VAT1L: variants seen among roughly 807,000 people sequenced by gnomAD.
VAT1L encodes putative NADPH-dependent quinone oxidoreductase VAT1L.
VAT1L carries 34 observed loss-of-function variants against 44.1 expected under a neutral mutation model. The ratio of observed to expected loss-of-function variants is 0.77; its 90% CI spans 0.59 to 1.03. The LOEUF is 1.03. VAT1L is among the 50% of genes least tolerant of loss of function. The pLI, the probability that VAT1L is intolerant of heterozygous loss-of-function variation, is 0.00. For synonymous variants in VAT1L, 253 were observed against 202.2 expected (o/e 1.25, Z -2.13); for missense variants, 615 against 538.8 (o/e 1.14, Z -1.40).
At chr16:77,916,527 G>T (rs552539587) in intron 7 of VAT1L, among the ~76,000 whole-genome samples, 55 of 152,092 alleles carry the variant, frequency 3.6e-4, no homozygotes, top group Non-Finnish European at 7.3e-4. Context: ...ATGTTGACCA[G>T]GCTGGTCTCA....
chr16:77,798,755 T>A lies in VAT1L; in HGVS notation c.233+9840T>A, dbSNP rs746953308. 3.5e-4 allele frequency among the ~76,000 whole-genome samples: 53 copies of A among 152,088 alleles called. No individual in the cohort carries two copies. In the Middle Eastern group the frequency reaches 0.014, roughly 39 times the overall value. ...CTGTGTCATGACATATACAAGAAGA[T>A]CAAGAGGAATTCCTGAAGGGACAAG... On this transcript the variant is annotated intron_variant, in intron 1 of 8. Coordinates refer to ENST00000302536, the MANE Select transcript of VAT1L (RefSeq NM_020927.3).
At chr16:77,847,528 G>A (rs1221507025) in intron 3 of VAT1L, among the ~76,000 whole-genome samples, 1 of 152,216 alleles carries the variant, frequency 6.6e-6, no homozygotes, top group Non-Finnish European at 1.5e-5. Context: ...TGTCCTGCCT[G>A]TCCATCAGAG....
chr16:77,934,429 C>G (rs1452576581), intron 7 of VAT1L, among the ~76,000 whole-genome samples: 1 of 151,682 alleles, frequency 6.6e-6, no homozygotes, highest in Non-Finnish European at 1.5e-5. Flanking sequence ...AGATTTGAGC[C>G]AAGGAATGCA....
chr16:77,847,996 A>G (rs1385594996), intron 3 of VAT1L, among the ~76,000 whole-genome samples: 1 of 152,206 alleles, frequency 6.6e-6, no homozygotes, highest in African/African-American at 2.4e-5. Context: ...ACGTAGTGCC[A>G]TTTGCCAAAG....
chr16:77,883,494 TG>T (rs1884813055), intron 6 of VAT1L, among the ~76,000 whole-genome samples: 1 of 152,176 alleles, frequency 6.6e-6, no homozygotes, highest in African/African-American at 2.4e-5. Flanking sequence ...TATGGATATT[TG>T]GGGCTGGGTA....
chr16:77,897,531 T>C (rs930801719), intron 7 of VAT1L, among the ~76,000 whole-genome samples: 1 of 152,170 alleles, frequency 6.6e-6, no homozygotes, highest in African/African-American at 2.4e-5. Context: ...AGTGGAATGG[T>C]GCAATCTCGG....
At chr16:77,904,236 GTCTGT>G (rs1338274380) in intron 7 of VAT1L, among the ~76,000 whole-genome samples, 1 of 127,322 alleles carries the variant, frequency 7.9e-6, no homozygotes, top group Non-Finnish European at 1.7e-5. Flanking sequence ...CATGTGGTTT[GTCTGT>G]TCTGAGGTTT....
At chr16:77,945,521 C>T (rs117708820) in intron 7 of VAT1L, among the ~76,000 whole-genome samples, 2,533 of 151,938 alleles carry the variant, frequency 0.017, 116 homozygotes, top group East Asian at 0.12. Context: ...AATTCCTGGC[C>T]TCAAGCGATT....
chr16:77,940,310 T>A (rs1308293329), intron 7 of VAT1L, among the ~76,000 whole-genome samples: 1 of 151,380 alleles, frequency 6.6e-6, no homozygotes, highest in East Asian at 1.9e-4. Context: ...CTCATGAGCT[T>A]AGTACAAGCC....
chr16:77,963,918 G>C (rs16946919), intron 7 of VAT1L, among the ~76,000 whole-genome samples: 1 of 151,932 alleles, frequency 6.6e-6, no homozygotes, highest in Non-Finnish European at 1.5e-5. Context: ...AAGACCTTCA[G>C]AACAAAACCG....
chr16:77,977,497 C>A, intron 8 of VAT1L, 100 bp from the exon 9 acceptor site: 2 of 1,205,216 alleles, frequency 1.7e-6, no homozygotes, highest in Non-Finnish European at 1.2e-6. Flanking sequence ...AACCCTAGTT[C>A]CTAGCCCCCA....
At chr16:77,960,746 A>G (rs1247011798) in intron 7 of VAT1L, among the ~76,000 whole-genome samples, 6 of 152,072 alleles carry the variant, frequency 3.9e-5, no homozygotes, top group Middle Eastern at 3.2e-3. Flanking sequence ...CAAGACCCCA[A>G]GGTTGCAGCC....
chr16:77,970,806 G>A (rs926736561), intron 7 of VAT1L, among the ~76,000 whole-genome samples: 1 of 152,118 alleles, frequency 6.6e-6, no homozygotes, highest in East Asian at 1.9e-4. Flanking sequence ...AGAAGTCTTC[G>A]GTTTTCATAC....
At chr16:77,819,028 A>C (rs2016403902) in intron 2 of VAT1L, among the ~76,000 whole-genome samples, 1 of 152,160 alleles carries the variant, frequency 6.6e-6, no homozygotes, top group Admixed American at 6.5e-5. Flanking sequence ...GAATCAAATA[A>C]TGAGATGAAG....
At chr16:77,894,394 A>C (rs1394307085) in intron 7 of VAT1L, among the ~76,000 whole-genome samples, 3 of 152,330 alleles carry the variant, frequency 2.0e-5, no homozygotes, top group African/African-American at 7.2e-5. Context: ...GTCTGAATGC[A>C]GAGGTTGGTG....
chr16:77,794,465 G>T (rs555760722), intron 1 of VAT1L, among the ~76,000 whole-genome samples: 1 of 152,142 alleles, frequency 6.6e-6, no homozygotes. Context: ...AACCACTAAA[G>T]ATATTGGAGT....
intron 7 of VAT1L, among the ~76,000 whole-genome samples, chr16:77,902,726 G>C (rs1487821032): frequency 1.1e-5 from 1 of 87,074 alleles, no homozygotes; most frequent in Non-Finnish European, 2.2e-5. Flanking sequence ...GAGGCCGATG[G>C]GGGGGTGGGG....
intron 2 of VAT1L, among the ~76,000 whole-genome samples, chr16:77,822,266 C>G (rs1276631717): frequency 6.6e-6 from 1 of 152,154 alleles, no homozygotes; most frequent in Non-Finnish European, 1.5e-5. Context: ...TCCCAAATAG[C>G]TGGGATTACA....
At chr16:77,935,198 A>T (rs2017778709) in intron 7 of VAT1L, among the ~76,000 whole-genome samples, 1 of 152,224 alleles carries the variant, frequency 6.6e-6, no homozygotes, top group Non-Finnish European at 1.5e-5. Context: ...TCATTGGAAG[A>T]GTGAAATCTC....
Sources: allele counts gnomAD v4.1 joint callset (sites outside exome capture counted in the v4.1 genomes callset), GRCh38; gene constraint gnomAD v4.1.1; transcripts MANE v1.5; gene names NCBI Gene and HGNC (gene_info 2026-07-23, HGNC 2026-07-21).